ROBO2: variants seen among roughly 807,000 people sequenced by gnomAD.
The protein encoded by ROBO2 is roundabout guidance receptor 2.
A neutral mutation model predicts 160.8 loss-of-function variants in ROBO2; 53 were observed. The ratio of observed to expected loss-of-function variants is 0.33; its 90% CI spans 0.26 to 0.41. The LOEUF is 0.41. Ranked by LOEUF, ROBO2 falls within the 10% of genes least tolerant of loss-of-function variation. ROBO2 has a pLI of 1.00. For synonymous variants in ROBO2, 664 were observed against 611.7 expected (o/e 1.09, Z -1.26); for missense variants, 1,577 against 1,722.4 (o/e 0.92, Z 1.49).
chr3:77,349,162 A>G (rs2153456890), intron 2 of ROBO2, among the ~76,000 whole-genome samples: 1 of 152,274 alleles, frequency 6.6e-6, no homozygotes, highest in Middle Eastern at 3.4e-3. Flanking sequence ...TCAATAAATA[A>G]TACTGAGAAA....
At chr3:75,987,796 A>C (rs898637127) in intron 2 of ROBO2, among the ~76,000 whole-genome samples, 1 of 151,968 alleles carries the variant, frequency 6.6e-6, no homozygotes, top group Non-Finnish European at 1.5e-5. Context: ...AATTGAGACA[A>C]TTATGCTTAT....
chr3:76,140,505 G>T (rs1239209790), intron 2 of ROBO2, among the ~76,000 whole-genome samples: 1 of 151,828 alleles, frequency 6.6e-6, no homozygotes, highest in Non-Finnish European at 1.5e-5. Context: ...AATTGCTGAG[G>T]TTACACTAGT....
intron 2 of ROBO2, among the ~76,000 whole-genome samples, chr3:76,151,785 T>C (rs776729602): frequency 2.0e-5 from 3 of 152,168 alleles, no homozygotes; most frequent in Non-Finnish European, 2.9e-5. Context: ...GATCAACTCA[T>C]CCATTTCTGT....
intron 2 of ROBO2, among the ~76,000 whole-genome samples, chr3:76,063,462 A>G (rs2107903710): frequency 6.6e-6 from 1 of 150,790 alleles, no homozygotes; most frequent in African/African-American, 2.4e-5. Context: ...CTCCCACCTC[A>G]GACCCCTGGG....
chr3:77,127,105 T>C (rs2075409918), intron 2 of ROBO2, among the ~76,000 whole-genome samples: 1 of 152,090 alleles, frequency 6.6e-6, no homozygotes, highest in Non-Finnish European at 1.5e-5. Flanking sequence ...TCTTTTTTTC[T>C]TAATGAAAAA....
At chr3:76,367,781 T>A (rs148759893) in intron 2 of ROBO2, among the ~76,000 whole-genome samples, 1 of 151,960 alleles carries the variant, frequency 6.6e-6, no homozygotes, top group Non-Finnish European at 1.5e-5. Context: ...GCAGCATTAT[T>A]TAGAAGATGT....
chr3:76,059,915 C>G (rs2068009939), intron 2 of ROBO2, among the ~76,000 whole-genome samples: 1 of 152,038 alleles, frequency 6.6e-6, no homozygotes, highest in Non-Finnish European at 1.5e-5. Context: ...GAATCCTTTC[C>G]CCATTTCTTG....
intron 2 of ROBO2, among the ~76,000 whole-genome samples, chr3:76,417,671 G>A (rs986693439): frequency 7.2e-5 from 11 of 152,010 alleles, no homozygotes; most frequent in African/African-American, 1.7e-4. Context: ...AAAGGACAGG[G>A]AATAGGCAAT....
At chr3:76,490,271 C>T (rs2079743171) in intron 2 of ROBO2, among the ~76,000 whole-genome samples, 1 of 152,206 alleles carries the variant, frequency 6.6e-6, no homozygotes, top group South Asian at 2.1e-4. Context: ...CAACCTAAAA[C>T]ACTTCTCAGT....
At chr3:76,397,506 G>A (rs2077530553) in intron 2 of ROBO2, among the ~76,000 whole-genome samples, 1 of 151,818 alleles carries the variant, frequency 6.6e-6, no homozygotes, top group South Asian at 2.1e-4. Flanking sequence ...CTTCTGCACA[G>A]CAAAAGAAAC....
intron 2 of ROBO2, among the ~76,000 whole-genome samples, chr3:76,938,542 C>T (rs936913812): frequency 7.2e-5 from 11 of 152,138 alleles, no homozygotes; most frequent in African/African-American, 2.2e-4. Context: ...TGAGCTTTTC[C>T]AATTCTAGAA....
At chr3:76,100,062 T>A (rs1472500070) in intron 2 of ROBO2, among the ~76,000 whole-genome samples, 1 of 152,198 alleles carries the variant, frequency 6.6e-6, no homozygotes, top group Non-Finnish European at 1.5e-5. Context: ...GTGTGTTTTT[T>A]AACCACCAGA....
chr3:76,813,635 A>C (rs2065394709), intron 2 of ROBO2, among the ~76,000 whole-genome samples: 1 of 152,130 alleles, frequency 6.6e-6, no homozygotes, highest in Admixed American at 6.6e-5. Flanking sequence ...ATTCTAAATG[A>C]TTCCTTACTC....
chr3:76,436,176 A>ACACACACACACACACACACACACCCC (rs1034830235), intron 2 of ROBO2, among the ~76,000 whole-genome samples: 19 of 150,648 alleles, frequency 1.3e-4, no homozygotes, highest in African/African-American at 4.7e-4. Flanking sequence ...ACACACACAC[A>ACACACACACACACACACACACACCCC]CACACCATTT....
intron 2 of ROBO2, among the ~76,000 whole-genome samples, chr3:76,436,159 A>AACGCACACACACACACACAC (rs2076666145): frequency 7.1e-6 from 1 of 140,522 alleles, no homozygotes; most frequent in East Asian, 2.2e-4. Flanking sequence ...TTAAAAGGAA[A>AACGCACACACACACACACAC]ACACACACAC....
chr3:76,845,459 G>T (rs534635646), intron 2 of ROBO2, among the ~76,000 whole-genome samples: 335 of 151,928 alleles, frequency 2.2e-3, no homozygotes, highest in Non-Finnish European at 4.2e-3. Flanking sequence ...TAATCGAACT[G>T]GGGATCTTTA....
intron 22 of ROBO2, among the ~76,000 whole-genome samples, chr3:77,620,283 G>T (rs553071217): frequency 6.6e-5 from 10 of 152,244 alleles, no homozygotes; most frequent in Non-Finnish European, 1.2e-4. Context: ...CACCTCCCAG[G>T]ATCTGTTTCT....
At chr3:77,261,213 G>A (rs1372423) in intron 2 of ROBO2, among the ~76,000 whole-genome samples, 75,403 of 151,918 alleles carry the variant, frequency 0.5, 19,948 homozygotes, top group Middle Eastern at 0.7. Context: ...ACAGTGATGT[G>A]ACTCTTATGC....
intron 2 of ROBO2, among the ~76,000 whole-genome samples, chr3:77,133,141 G>T (rs2075996087): frequency 1.3e-5 from 2 of 152,076 alleles, no homozygotes; most frequent in Admixed American, 6.6e-5. Context: ...TGGCAATTAT[G>T]GTTTATAAGT....
Sources: gnomAD v4.1 joint callset for allele counts (sites outside exome capture counted in the v4.1 genomes callset) on GRCh38, gnomAD v4.1.1 for gene constraint, MANE v1.5 for transcripts, NCBI Gene and HGNC (gene_info 2026-07-23, HGNC 2026-07-21) for gene names.